Variants in MECOM observed in about 807,000 individuals in gnomAD.
The protein encoded by MECOM is MDS1 and EVI1 complex locus, also known as histone-lysine N-methyltransferase MECOM.
A neutral mutation model predicts 116.3 loss-of-function variants in MECOM; 13 were observed. That is an observed-to-expected ratio of 0.11 (90% confidence interval 0.07 to 0.18). The LOEUF (loss-of-function observed/expected upper bound fraction) is 0.18, where lower values mean the gene tolerates loss of function less well. MECOM is among the 10% of genes least tolerant of loss of function. The probability of loss-of-function intolerance (pLI) is 1.00; values close to 1 mark genes in which losing one functional copy is unlikely to be tolerated. For synonymous variants in MECOM, 528 were observed against 535.2 expected (o/e 0.99, Z 0.19); for missense variants, 1,299 against 1,509.0 (o/e 0.86, Z 2.31).
At chr3:169,277,042 T>C (rs954651420) in intron 2 of MECOM, among the ~76,000 whole-genome samples, 1 of 150,230 alleles carries the variant, frequency 6.7e-6, no homozygotes, top group Non-Finnish European at 1.5e-5. Flanking sequence ...ACAAGTGCTG[T>C]CATAATTTTC....
At position 169,371,531 on chromosome 3, in the gene MECOM, A is replaced by ACACT. The variant is rs1730130146; in HGVS notation, c.375+9652_375+9655dup. Among the ~76,000 whole-genome samples the ACACT allele has an allele frequency of 3.3e-5, 5 of 151,670 alleles. No individual in the cohort carries two copies. In the South Asian group the frequency reaches 1.0e-3, roughly 32 times the overall value. ...ATTTTCACTACACACACACACACAC[A>ACACT]CACTCACACACACATAACTACATGA... On this transcript the variant is annotated intron_variant, in intron 2 of 16. Coordinates refer to ENST00000651503, the MANE Select transcript of MECOM (RefSeq NM_004991.4).
intron 2 of MECOM, among the ~76,000 whole-genome samples, chr3:169,340,590 C>A (rs1347190136): frequency 6.6e-6 from 1 of 152,150 alleles, no homozygotes; most frequent in Non-Finnish European, 1.5e-5. Context: ...TTATGATCAT[C>A]ACCGCACCAA....
rs971960760 is a variant in MECOM, at chr3:169,128,352, C to T, written c.614-292G>A. Among the ~76,000 whole-genome samples the T allele has an allele frequency of 2.0e-5, 3 of 152,132 alleles. No homozygotes were observed. In the South Asian group the frequency reaches 6.2e-4, roughly 32 times the overall value. On this transcript the variant is annotated intron_variant, in intron 4 of 16. Coordinates refer to ENST00000651503, the MANE Select transcript of MECOM (RefSeq NM_004991.4). ...AAAATAATAAATACGACTTACTGAG[C>T]ATCATATATTTTCTCAACCCTGTAT...
intron 2 of MECOM, among the ~76,000 whole-genome samples, chr3:169,268,437 G>A (rs1758563564): frequency 6.6e-6 from 1 of 152,162 alleles, no homozygotes; most frequent in African/African-American, 2.4e-5. Context: ...TTCTTTAGCA[G>A]TCCCTTCTTA....
intron 1 of MECOM, among the ~76,000 whole-genome samples, chr3:169,416,584 C>T (rs1193811749): frequency 1.3e-5 from 2 of 151,206 alleles, no homozygotes; most frequent in Admixed American, 1.3e-4. Flanking sequence ...TCAATGAATC[C>T]AGGAGCTGTT....
intron 1 of MECOM, among the ~76,000 whole-genome samples, chr3:169,533,503 G>C (rs1758909904): frequency 6.6e-6 from 1 of 151,698 alleles, no homozygotes; most frequent in Admixed American, 6.6e-5. Flanking sequence ...TATTTGGAGG[G>C]GGACGTGTAA....
At chr3:169,510,391 G>A (rs1015939337) in intron 1 of MECOM, among the ~76,000 whole-genome samples, 1 of 152,204 alleles carries the variant, frequency 6.6e-6, no homozygotes, top group Non-Finnish European at 1.5e-5. Flanking sequence ...TTTATCAGAG[G>A]AAACACTTGC....
intron 1 of MECOM, among the ~76,000 whole-genome samples, chr3:169,395,772 A>C (rs946314112): frequency 2.6e-5 from 4 of 152,220 alleles, no homozygotes; most frequent in African/African-American, 9.6e-5. Context: ...TGTTTCCACC[A>C]ACATTTGCAG....
At chr3:169,205,405 C>T (rs1749784421) in intron 2 of MECOM, among the ~76,000 whole-genome samples, 1 of 152,104 alleles carries the variant, frequency 6.6e-6, no homozygotes, top group Admixed American at 6.6e-5. Flanking sequence ...TAGAAATGTA[C>T]TCTTCTCCAG....
At chr3:169,225,071 A>G (rs771364860) in intron 2 of MECOM, among the ~76,000 whole-genome samples, 1 of 152,234 alleles carries the variant, frequency 6.6e-6, no homozygotes, top group Non-Finnish European at 1.5e-5. Flanking sequence ...ATGTCAAAGC[A>G]GAGATGATAT....
At chr3:169,646,795 T>G (rs1161055653) in intron 1 of MECOM, among the ~76,000 whole-genome samples, 1 of 152,256 alleles carries the variant, frequency 6.6e-6, no homozygotes, top group Non-Finnish European at 1.5e-5. Flanking sequence ...TGATAAGGTA[T>G]AATTAGCTTG....
chr3:169,475,571 A>C (rs1034772856), intron 1 of MECOM, among the ~76,000 whole-genome samples: 7 of 151,640 alleles, frequency 4.6e-5, no homozygotes, highest in African/African-American at 1.7e-4. Flanking sequence ...ATAGTGACTA[A>C]AAAGTCGAAG....
intron 1 of MECOM, among the ~76,000 whole-genome samples, chr3:169,547,730 G>C (rs1371671917): frequency 1.3e-5 from 2 of 152,074 alleles, no homozygotes; most frequent in East Asian, 3.9e-4. Context: ...CCTGGATTTA[G>C]GGTGGGCCCT....
At chr3:169,599,846 A>G (rs889970792) in intron 1 of MECOM, among the ~76,000 whole-genome samples, 1 of 152,248 alleles carries the variant, frequency 6.6e-6, no homozygotes, top group African/African-American at 2.4e-5. Flanking sequence ...AAGACTGTAC[A>G]TCATTATAAT....
chr3:169,406,768 C>T (rs964410790), intron 1 of MECOM, among the ~76,000 whole-genome samples: 2 of 151,866 alleles, frequency 1.3e-5, no homozygotes, highest in Non-Finnish European at 2.9e-5. Flanking sequence ...TCATTAAAAC[C>T]AGTCTTCTTG....
chr3:169,474,517 A>C (rs1191089284), intron 1 of MECOM, among the ~76,000 whole-genome samples: 1 of 152,184 alleles, frequency 6.6e-6, no homozygotes, highest in Non-Finnish European at 1.5e-5. Flanking sequence ...TATCAATATT[A>C]TATAAATTAT....
At chr3:169,553,811 A>G (rs867042782) in intron 1 of MECOM, among the ~76,000 whole-genome samples, 2 of 152,082 alleles carry the variant, frequency 1.3e-5, no homozygotes, top group African/African-American at 4.8e-5. Context: ...GTCTCTCTCT[A>G]TGTGTCCTAA....
intron 1 of MECOM, among the ~76,000 whole-genome samples, chr3:169,440,863 G>A (rs562133418): frequency 9.9e-4 from 150 of 152,160 alleles, no homozygotes; most frequent in Non-Finnish European, 1.6e-3. Flanking sequence ...ATCACCTCTG[G>A]ATATGAAGAG....
At chr3:169,572,247 T>A (rs1406207366) in intron 1 of MECOM, among the ~76,000 whole-genome samples, 1 of 152,142 alleles carries the variant, frequency 6.6e-6, no homozygotes, top group Non-Finnish European at 1.5e-5. Flanking sequence ...AAAAAGCTTA[T>A]CATCACTGGT....
Sources: gnomAD v4.1 joint callset for allele counts (sites outside exome capture counted in the v4.1 genomes callset) on GRCh38, gnomAD v4.1.1 for gene constraint, MANE v1.5 for transcripts, NCBI Gene and HGNC (gene_info 2026-07-23, HGNC 2026-07-21) for gene names.